The following STXBP6 variants were observed in gnomAD, a reference collection of about 807,000 sequenced individuals.
The protein encoded by STXBP6 is syntaxin-binding protein 6.
Under a neutral mutation model 26.9 loss-of-function variants are expected in STXBP6, and 21 were observed. That is an observed-to-expected ratio of 0.78 (90% confidence interval 0.55 to 1.12). The LOEUF (loss-of-function observed/expected upper bound fraction) is 1.12. Ranked by LOEUF, STXBP6 falls within the 50% of genes most tolerant of loss-of-function variation. The probability of loss-of-function intolerance (pLI) is 0.00; values close to 1 mark genes in which losing one functional copy is unlikely to be tolerated. For missense variants in STXBP6, 232 were observed against 257.9 expected (o/e 0.90, Z 0.69); for synonymous variants, 97 against 92.6 (o/e 1.05, Z -0.27).
chr14:24,857,027 C>T lies in STXBP6; in HGVS notation c.285G>A (p.Gly95=), dbSNP rs993074538. ...GCTCAGCATTGGACAATTCACTCAC[C>T]CCATTAGGATCGATACCATTAACCT... is the stretch of plus-strand genomic sequence containing the variant. ...LRQVNGIDPN[G]DSAEFDLLFE... Residue 95 remains glycine, a splice_region_variant and synonymous_variant, in exon 3 of 6, where the codon GGG becomes GGA. Coordinates refer to ENST00000323944, the MANE Select transcript of STXBP6 (RefSeq NM_001394410.1). 1.2e-6 allele frequency: 2 copies of T among 1,612,218 alleles called. No homozygotes were observed. The highest frequency in any genetic ancestry group is 2.7e-5 in the African/African-American group (2 of 74,748).
At chr14:24,942,083 C>T (rs2072823874) in intron 2 of STXBP6, among the ~76,000 whole-genome samples, 1 of 152,158 alleles carries the variant, frequency 6.6e-6, no homozygotes, top group South Asian at 2.1e-4. Context: ...GTTGGGGACA[C>T]AGTCAACTTG....
At chr14:24,926,200 A>G (rs572997398) in intron 2 of STXBP6, among the ~76,000 whole-genome samples, 1 of 152,304 alleles carries the variant, frequency 6.6e-6, no homozygotes, top group East Asian at 1.9e-4. Context: ...CAAGCAGACT[A>G]GCAAAGCCCT....
At chr14:25,021,128 C>G (rs78559475) in intron 1 of STXBP6, among the ~76,000 whole-genome samples, 117 of 152,342 alleles carry the variant, frequency 7.7e-4, no homozygotes, top group African/African-American at 2.7e-3. Flanking sequence ...TAGTCATTCT[C>G]AGGTGGAGGC....
At chr14:25,039,086 A>G (rs1436818363) in intron 1 of STXBP6, among the ~76,000 whole-genome samples, 1 of 152,228 alleles carries the variant, frequency 6.6e-6, no homozygotes. Context: ...TAGTCATTCT[A>G]CAACATATAC....
chr14:24,894,145 T>G (rs1181767127), intron 2 of STXBP6, among the ~76,000 whole-genome samples: 1 of 152,110 alleles, frequency 6.6e-6, no homozygotes, highest in African/African-American at 2.4e-5. Flanking sequence ...AATAAAAAAG[T>G]TTTTGCAGAG....
In STXBP6 at chr14:24,969,507, A is replaced by G. The variant is rs562431674; in HGVS notation, c.154+5158T>C. On this transcript the variant is annotated intron_variant, in intron 2 of 5. Coordinates refer to ENST00000323944, the MANE Select transcript of STXBP6 (RefSeq NM_001394410.1). ...TTACCATGGACAACTGACTATAGAC[A>G]TTGTTGTGGGTAGGGCTTGCTTTAC... 5.3e-5 allele frequency among the ~76,000 whole-genome samples: 8 copies of G among 152,318 alleles called. No individual in the cohort carries two copies. In the South Asian group the frequency reaches 1.7e-3, roughly 32 times the overall value.
At chr14:24,963,497 A>C (rs2073620854) in intron 2 of STXBP6, among the ~76,000 whole-genome samples, 1 of 152,196 alleles carries the variant, frequency 6.6e-6, no homozygotes, top group African/African-American at 2.4e-5. Flanking sequence ...GATGAAGAAT[A>C]ATTTGTGTGA....
chr14:24,888,584 G>A (rs932180791), intron 2 of STXBP6, among the ~76,000 whole-genome samples: 2 of 152,048 alleles, frequency 1.3e-5, no homozygotes, highest in Admixed American at 6.5e-5. Context: ...TTAGCTGGGC[G>A]TGGCAGCATG....
chr14:24,815,680 G>A (rs1486582023), intron 5 of STXBP6: 1 of 152,098 alleles, frequency 6.6e-6, no homozygotes, highest in Non-Finnish European at 1.5e-5. Context: ...TGTCATCTGA[G>A]GATGTCTGAG....
At chr14:25,024,554 A>C (rs1260709215) in intron 1 of STXBP6, among the ~76,000 whole-genome samples, 2 of 152,148 alleles carry the variant, frequency 1.3e-5, no homozygotes, top group African/African-American at 4.8e-5. Context: ...CTGGGGCCCC[A>C]AAAGCTTTTC....
At chr14:25,028,642 A>G (rs1420718599) in intron 1 of STXBP6, among the ~76,000 whole-genome samples, 4 of 152,224 alleles carry the variant, frequency 2.6e-5, no homozygotes, top group Non-Finnish European at 4.4e-5. Context: ...CCATGGATCA[A>G]GTGGTAATTT....
chr14:24,957,359 G>C (rs1412505318), intron 2 of STXBP6, among the ~76,000 whole-genome samples: 1 of 152,128 alleles, frequency 6.6e-6, no homozygotes, highest in African/African-American at 2.4e-5. Flanking sequence ...CTTCAGAATA[G>C]AACACTTCAA....
At chr14:24,991,319 A>G (rs990778465) in intron 1 of STXBP6, among the ~76,000 whole-genome samples, 5 of 152,238 alleles carry the variant, frequency 3.3e-5, no homozygotes, top group East Asian at 1.9e-4. Context: ...ACTTGCAACC[A>G]AAAGAACCAA....
intron 4 of STXBP6, among the ~76,000 whole-genome samples, chr14:24,842,821 G>A (rs540206906): frequency 7.6e-4 from 116 of 152,208 alleles, no homozygotes; most frequent in Non-Finnish European, 1.3e-3. Flanking sequence ...TAACAATTTA[G>A]TGGCTGTATC....
chr14:24,906,799 G>A (rs2071400144), intron 2 of STXBP6, among the ~76,000 whole-genome samples: 1 of 152,128 alleles, frequency 6.6e-6, no homozygotes, highest in Non-Finnish European at 1.5e-5. Context: ...AAAATATCAG[G>A]TCAAGGAGAT....
chr14:24,837,304 CA>C (rs981450888), intron 4 of STXBP6, among the ~76,000 whole-genome samples: 11 of 152,096 alleles, frequency 7.2e-5, no homozygotes, highest in African/African-American at 2.4e-4. Context: ...CTATTTTCAT[CA>C]AAGTATTTAA....
chr14:24,986,545 G>A (rs927273591), intron 1 of STXBP6, among the ~76,000 whole-genome samples: 1 of 152,306 alleles, frequency 6.6e-6, no homozygotes, highest in East Asian at 1.9e-4. Context: ...GCTGTTGACA[G>A]GGTTTCTCAG....
At chr14:25,016,189 C>G (rs918176455) in intron 1 of STXBP6, among the ~76,000 whole-genome samples, 2 of 152,100 alleles carry the variant, frequency 1.3e-5, no homozygotes, top group African/African-American at 4.8e-5. Context: ...TTCCTACTTT[C>G]CCCTTTTATT....
chr14:24,920,213 T>C (rs2071931127), intron 2 of STXBP6, among the ~76,000 whole-genome samples: 1 of 152,010 alleles, frequency 6.6e-6, no homozygotes, highest in African/African-American at 2.4e-5. Context: ...AACTCAATAC[T>C]CAAAACACAT....
Sources: allele counts gnomAD v4.1 joint callset (sites outside exome capture counted in the v4.1 genomes callset), GRCh38; gene constraint gnomAD v4.1.1; transcripts MANE v1.5; gene names NCBI Gene and HGNC (gene_info 2026-07-23, HGNC 2026-07-21).